The following GNB1 variants were observed in gnomAD, a reference collection of about 807,000 sequenced individuals.
GNB1 encodes guanine nucleotide-binding protein G(I)/G(S)/G(T) subunit beta-1.
A neutral mutation model predicts 42.9 loss-of-function variants in GNB1; 2 were observed. The observed-to-expected ratio is 0.05, with a 90% CI of 0.02 to 0.15. The LOEUF (loss-of-function observed/expected upper bound fraction) is 0.15, where lower values mean the gene tolerates loss of function less well. GNB1 is among the 10% of genes least tolerant of loss of function. The pLI, the probability that GNB1 is intolerant of heterozygous loss-of-function variation, is 1.00. For missense variants in GNB1, 193 were observed against 462.2 expected, an observed-to-expected ratio of 0.42 and a Z score of 5.34; for synonymous variants, 183 against 174.7, an observed-to-expected ratio of 1.05 and a Z score of -0.38.
At chr1:1,884,366 C>T (rs1291529325) in intron 1 of GNB1, among the ~76,000 whole-genome samples, 4 of 152,020 alleles carry the variant, frequency 2.6e-5, no homozygotes, top group South Asian at 2.1e-4. Context: ...CGTGAGCCAC[C>T]GCGTCTGGGC....
chr1:1,839,936 C>A (rs1258353865), intron 1 of GNB1, among the ~76,000 whole-genome samples: 1 of 151,912 alleles, frequency 6.6e-6, no homozygotes, highest in Non-Finnish European at 1.5e-5. Flanking sequence ...GGGCGCATAA[C>A]CTGAGGTCAA....
chr1:1,858,423 T>C (rs1289626075), intron 1 of GNB1, among the ~76,000 whole-genome samples: 1 of 152,172 alleles, frequency 6.6e-6, no homozygotes, highest in Admixed American at 6.5e-5. Flanking sequence ...CCCTTTGTGG[T>C]CCCTCATCCC....
At chr1:1,805,835 C>T (rs1317062100) in intron 6 of GNB1, among the ~76,000 whole-genome samples, 1 of 152,078 alleles carries the variant, frequency 6.6e-6, no homozygotes, top group Non-Finnish European at 1.5e-5. Flanking sequence ...AGCCACGGCG[C>T]CCAGCCGAAA....
intron 1 of GNB1, among the ~76,000 whole-genome samples, chr1:1,865,140 A>T (rs1648854380): frequency 6.8e-6 from 1 of 147,474 alleles, no homozygotes; most frequent in East Asian, 2.0e-4. Flanking sequence ...CGGGCACCTG[A>T]AGTCCCAGCA....
intron 1 of GNB1, among the ~76,000 whole-genome samples, chr1:1,849,513 C>T (rs1051582588): frequency 5.3e-5 from 8 of 152,046 alleles, no homozygotes; most frequent in Admixed American, 5.2e-4. Flanking sequence ...CTCAAGCGAT[C>T]CTCCCACTTC....
At chr1:1,848,377 AAAAG>A (rs1257690700) in intron 1 of GNB1, among the ~76,000 whole-genome samples, 2 of 151,664 alleles carry the variant, frequency 1.3e-5, no homozygotes, top group Non-Finnish European at 2.9e-5. Context: ...AAAAAAAAGA[AAAAG>A]AAAAAATAAA....
At chr1:1,828,300 A>G (rs1302711102) in intron 2 of GNB1, among the ~76,000 whole-genome samples, 2 of 152,174 alleles carry the variant, frequency 1.3e-5, no homozygotes, top group Non-Finnish European at 1.5e-5. Flanking sequence ...CAGCCTGAGC[A>G]ACAACAGCGA....
intron 1 of GNB1, among the ~76,000 whole-genome samples, chr1:1,848,361 AAAAAAAAAAAAAAG>A (rs1322399211): frequency 6.7e-6 from 1 of 149,490 alleles, no homozygotes; most frequent in Non-Finnish European, 1.5e-5. Context: ...CCCAGGCAAA[AAAAAAAAAAAAAAG>A]AAAAAGAAAA....
intron 1 of GNB1, among the ~76,000 whole-genome samples, chr1:1,870,519 A>T (rs1649188467): frequency 6.6e-6 from 1 of 152,048 alleles, no homozygotes. Context: ...TCCCTATCAA[A>T]CTCAGCTTTC....
intron 5 of GNB1, among the ~76,000 whole-genome samples, chr1:1,815,227 G>T (rs927312494): frequency 2.0e-5 from 3 of 152,168 alleles, no homozygotes; most frequent in African/African-American, 7.2e-5. Context: ...TGAGAGAATG[G>T]TGAGAGCAGC....
intron 1 of GNB1, among the ~76,000 whole-genome samples, chr1:1,859,272 T>G (rs1265124032): frequency 6.6e-6 from 1 of 152,182 alleles, no homozygotes; most frequent in Non-Finnish European, 1.5e-5. Flanking sequence ...TCCACCCGCC[T>G]GAGCCTCCGA....
intron 7 of GNB1, among the ~76,000 whole-genome samples, chr1:1,804,179 C>T (rs1256406886): frequency 1.3e-5 from 2 of 151,596 alleles, no homozygotes; most frequent in Admixed American, 6.6e-5. Flanking sequence ...CGCCTGTAGT[C>T]CCAGCTACTC....
At chr1:1,839,682 A>C (rs1254393046) in intron 1 of GNB1, 1 of 151,138 alleles carries the variant, frequency 6.6e-6, no homozygotes, top group Non-Finnish European at 1.5e-5. Flanking sequence ...CCCCATCTCC[A>C]CTAAAAATAC....
Position 1,865,303 on chromosome 1 carries a change from C to A in GNB1, c.-96+25517G>T, listed in dbSNP as rs1302163686. Among the ~76,000 whole-genome samples the A allele has an allele frequency of 7.0e-5, 10 of 142,754 alleles. No homozygotes were observed. The South Asian group carries it at 1.8e-3, about 26-fold the overall frequency. The allele number at this position is 142,754 out of a possible 152,430, so 93.7% of individuals were successfully genotyped here. A position where few individuals can be genotyped will look rare whatever the true frequency, so the allele number is the denominator to read the frequency against. ...ACAAAAAAAAACCAAAAAAAAAAAA[C>A]AGGCAACACATTGTGGCTCATGCCT... On this transcript the variant is annotated intron_variant, in intron 1 of 11. Transcript: ENST00000378609.
chr1:1,801,190 G>A (rs1204890522), intron 7 of GNB1, among the ~76,000 whole-genome samples: 1 of 152,170 alleles, frequency 6.6e-6, no homozygotes, highest in African/African-American at 2.4e-5. Context: ...ACCATGCTTG[G>A]CTAATTTTTT....
chr1:1,817,736 C>CA (rs1385246838), intron 4 of GNB1, 101 bp downstream of exon 4: 4 of 773,384 alleles, frequency 5.2e-6, no homozygotes, highest in Non-Finnish European at 9.0e-6. Flanking sequence ...CCTCACTGCG[C>CA]AACAGAGAAT....
At chr1:1,864,771 A>G (rs548461777) in intron 1 of GNB1, among the ~76,000 whole-genome samples, 104 of 152,306 alleles carry the variant, frequency 6.8e-4, no homozygotes, top group African/African-American at 2.4e-3. Flanking sequence ...TTAGTTGCTC[A>G]TCTCCCAACA....
At chr1:1,865,150 A>T (rs1450370477) in intron 1 of GNB1, among the ~76,000 whole-genome samples, 2 of 147,946 alleles carry the variant, frequency 1.4e-5, no homozygotes, top group East Asian at 2.0e-4. Flanking sequence ...AAGTCCCAGC[A>T]ACTCGGGAGG....
intron 1 of GNB1, among the ~76,000 whole-genome samples, chr1:1,889,822 G>A (rs973622339): frequency 1.3e-5 from 2 of 152,182 alleles, no homozygotes; most frequent in Non-Finnish European, 2.9e-5. Flanking sequence ...GTTCTTAAAA[G>A]TCAAAAGCCT....
Sources: allele counts gnomAD v4.1 joint callset (sites outside exome capture counted in the v4.1 genomes callset), GRCh38; gene constraint gnomAD v4.1.1; transcripts MANE v1.5; gene names NCBI Gene and HGNC (gene_info 2026-07-23, HGNC 2026-07-21).